RASAL2: variants seen among roughly 807,000 people sequenced by gnomAD.
RASAL2 encodes the protein RAS protein activator like 2.
A neutral mutation model predicts 128.9 loss-of-function variants in RASAL2; 58 were observed. The observed-to-expected ratio is 0.45, with a 90% CI of 0.36 to 0.56. The LOEUF is 0.56. Among genes scored for constraint, RASAL2 ranks in the 20% least tolerant of loss-of-function variants. The pLI is 0.00. For missense variants in RASAL2, 1,360 were observed against 1,601.6 expected, an observed-to-expected ratio of 0.85 and a Z score of 2.57; for synonymous variants, 561 against 580.8, an observed-to-expected ratio of 0.97 and a Z score of 0.49.
At chr1:178,102,113 A>G (rs572553768) in intron 1 of RASAL2, among the ~76,000 whole-genome samples, 5 of 152,198 alleles carry the variant, frequency 3.3e-5, no homozygotes, top group African/African-American at 1.2e-4. Flanking sequence ...TTTGAATTTC[A>G]TATATGATGC....
At chr1:178,257,941 A>G (rs560336195) in intron 1 of RASAL2, among the ~76,000 whole-genome samples, 2 of 152,184 alleles carry the variant, frequency 1.3e-5, no homozygotes, top group Non-Finnish European at 2.9e-5. Context: ...CATGAAGAAC[A>G]AAAGAAAAAA....
chr1:178,402,402 T>TC lies in RASAL2; in HGVS notation c.564+12196_564+12197insC, dbSNP rs1673693252. On this transcript the variant is annotated intron_variant, in intron 4 of 17. Transcript: ENST00000367649. The stretch of plus-strand genomic sequence containing the variant: ...CTGGGCGACAGAGCGAGACTTCATC[T>TC]AAAAAAAAAAAAGGACCAACATATA... Among the ~76,000 whole-genome samples the TC allele has an allele frequency of 5.7e-5, 8 of 140,280 alleles. No homozygotes were observed. In the South Asian group the frequency reaches 1.8e-3, roughly 32 times the overall value. The allele number at this position is 140,280 out of a possible 152,430, so 92.0% of individuals were successfully genotyped here. A position where few individuals can be genotyped will look rare whatever the true frequency, so the allele number is the denominator to read the frequency against.
intron 1 of RASAL2, among the ~76,000 whole-genome samples, chr1:178,257,877 C>T (rs1665454994): frequency 6.7e-6 from 1 of 149,380 alleles, no homozygotes; most frequent in Non-Finnish European, 1.5e-5. Flanking sequence ...TGATACATAG[C>T]TAAATCTTAA....
chr1:178,395,919 T>C (rs1673196016), intron 4 of RASAL2, among the ~76,000 whole-genome samples: 1 of 151,590 alleles, frequency 6.6e-6, no homozygotes, highest in African/African-American at 2.4e-5. Context: ...CCTGTAGATA[T>C]TAACTATATC....
intron 1 of RASAL2, among the ~76,000 whole-genome samples, chr1:178,265,894 C>T (rs761988463): frequency 5.3e-5 from 8 of 152,090 alleles, no homozygotes; most frequent in Non-Finnish European, 1.2e-4. Flanking sequence ...TTTTGCTCAA[C>T]GTTATATTTG....
chr1:178,279,038 A>C (rs981582254), intron 1 of RASAL2, among the ~76,000 whole-genome samples: 3 of 152,238 alleles, frequency 2.0e-5, no homozygotes, highest in Non-Finnish European at 4.4e-5. Flanking sequence ...GAAGGAGCCC[A>C]AAGTTTGCTT....
In RASAL2 at chr1:178,145,570, A is replaced by AAAG. The variant is rs10690864; in HGVS notation, c.202+50876_202+50877insAAG. ...TGACTTTGACAAAAAAAAAAAAAAA[A>AAAG]GGGGGAGTATATTAGTTTTAAGTTT... is the stretch of plus-strand genomic sequence containing the variant. On this transcript the variant is annotated intron_variant, in intron 1 of 17. Transcript: ENST00000367649. Among the ~76,000 whole-genome samples, 39 of 149,870 alleles carry AAAG rather than the reference A, an allele frequency of 2.6e-4. 1 individual carries two copies. Among genetic ancestry groups the AAAG allele is most frequent in the South Asian group, 1.5e-3 (7 of 4,692 alleles).
chr1:178,433,166 C>T (rs1676033832), intron 5 of RASAL2, among the ~76,000 whole-genome samples: 1 of 152,148 alleles, frequency 6.6e-6, no homozygotes, highest in Admixed American at 6.6e-5. Flanking sequence ...AACACCACAG[C>T]CTTGCATACT....
intron 1 of RASAL2, among the ~76,000 whole-genome samples, chr1:178,127,198 A>C (rs1247212248): frequency 6.6e-6 from 1 of 152,120 alleles, no homozygotes; most frequent in Non-Finnish European, 1.5e-5. Context: ...CCTGGTTTTT[A>C]AGTAGCATTC....
rs756589898 is a variant in RASAL2 at position 178,439,453 on chromosome 1, C to A, written c.706C>A (p.Arg236Ser). The change falls in exon 6 of 18, where the codon CGT becomes AGT. Residue 236 changes from arginine (R) to serine (S), a missense_variant. By Grantham distance (110) the Arg-to-Ser change is moderately radical. Transcript: ENST00000367649. ...TGGGCTGCCTAAACTAAAAGAGTCA[C>A]GTTCCCATGAATCCTTGCTGAGCCC... is the stretch of plus-strand genomic sequence containing the variant. ...SRGLPKLKES[R>S]SHESLLSPCS... is the part of the protein sequence containing the mutation. 1.1e-5 allele frequency: 17 copies of A among 1,611,332 alleles called. No homozygotes were observed. Among genetic ancestry groups the A allele is most frequent in the Non-Finnish European group, 1.4e-5 (17 of 1,178,722 alleles).
At chr1:178,231,172 T>G (rs772281694) in intron 1 of RASAL2, among the ~76,000 whole-genome samples, 17 of 152,148 alleles carry the variant, frequency 1.1e-4, no homozygotes, top group Non-Finnish European at 1.9e-4. Flanking sequence ...GAGAGACAGT[T>G]AACAACTGCC....
At chr1:178,241,829 T>C (rs1014760138) in intron 1 of RASAL2, among the ~76,000 whole-genome samples, 2 of 152,230 alleles carry the variant, frequency 1.3e-5, no homozygotes, top group Admixed American at 1.3e-4. Flanking sequence ...CATATATGCA[T>C]GCAAAGAAGT....
chr1:178,109,273 GT>G (rs975440070), intron 1 of RASAL2, among the ~76,000 whole-genome samples: 2 of 150,700 alleles, frequency 1.3e-5, no homozygotes, highest in Admixed American at 6.6e-5. Flanking sequence ...TTTTTGTTTT[GT>G]TTTTTTTTCC....
chr1:178,267,505 C>A (rs765905218), intron 1 of RASAL2, among the ~76,000 whole-genome samples: 2 of 150,642 alleles, frequency 1.3e-5, no homozygotes, highest in Admixed American at 1.3e-4. Flanking sequence ...TTGTAATTGC[C>A]CTTTTTTCCT....
intron 1 of RASAL2, among the ~76,000 whole-genome samples, chr1:178,160,167 A>G (rs540583472): frequency 1.3e-5 from 2 of 152,200 alleles, no homozygotes; most frequent in East Asian, 3.9e-4. Flanking sequence ...AGTTTTACAA[A>G]CTACAATAGA....
chr1:178,338,113 AT>A (rs1004080501), intron 3 of RASAL2, among the ~76,000 whole-genome samples: 69 of 151,040 alleles, frequency 4.6e-4, no homozygotes, highest in African/African-American at 1.4e-3. Context: ...TGGTTTCAGA[AT>A]TTTTTTTTAT....
At chr1:178,308,539 CTTTTTTTTT>C (rs576125039) in intron 3 of RASAL2, among the ~76,000 whole-genome samples, 1 of 130,022 alleles carries the variant, frequency 7.7e-6, no homozygotes, top group Admixed American at 7.9e-5. Flanking sequence ...CAAACATTAG[CTTTTTTTTT>C]TTTTTTTTTG....
intron 3 of RASAL2, chr1:178,372,290 C>A: frequency 2.0e-6 from 2 of 985,358 alleles, no homozygotes; most frequent in Non-Finnish European, 2.4e-6. Context: ...GATAGTAGCA[C>A]CGAAGAAGAG....
At chr1:178,234,527 A>T (rs895164475) in intron 1 of RASAL2, among the ~76,000 whole-genome samples, 2 of 152,244 alleles carry the variant, frequency 1.3e-5, no homozygotes, top group Non-Finnish European at 2.9e-5. Flanking sequence ...TTTAAAATTT[A>T]AAAATTATTT....
Sources: gnomAD v4.1 joint callset for allele counts (sites outside exome capture counted in the v4.1 genomes callset) on GRCh38, gnomAD v4.1.1 for gene constraint, MANE v1.5 for transcripts, NCBI Gene and HGNC (gene_info 2026-07-23, HGNC 2026-07-21) for gene names.